The following EDIL3 variants were observed in gnomAD, a reference collection of about 807,000 sequenced individuals.
EDIL3 encodes the protein EGF-like repeat and discoidin I-like domain-containing protein 3.
EDIL3 carries 37 observed loss-of-function variants against 67.4 expected under a neutral mutation model. The observed-to-expected ratio is 0.55, with a 90% confidence interval of 0.42 to 0.72. EDIL3 has a LOEUF of 0.72. EDIL3 is among the 30% of genes least tolerant of loss of function. EDIL3 has a pLI of 0.00. For missense variants in EDIL3, 527 were observed against 586.3 expected, an observed-to-expected ratio of 0.90 and a Z score of 1.04; for synonymous variants, 195 against 196.3, an observed-to-expected ratio of 0.99 and a Z score of 0.05.
chr5:84,384,160 C>T (rs969215955), intron 1 of EDIL3, 148 bp downstream of exon 1: 2 of 934,000 alleles, frequency 2.1e-6, no homozygotes, highest in Non-Finnish European at 3.2e-6. Flanking sequence ...TTTCTCGGGG[C>T]ACCCAGGACT....
rs559997466 is a variant in EDIL3, at chr5:84,026,968, G to A, written c.1137+33332C>T. 6.6e-5 allele frequency among the ~76,000 whole-genome samples: 10 copies of A among 152,124 alleles called. No individual in the cohort carries two copies. The East Asian group carries it at 1.7e-3, about 27-fold the overall frequency. On this transcript the variant is annotated intron_variant, in intron 9 of 10. Transcript: ENST00000296591. ...AAATTAGCCAGGTATGGTGACATGC[G>A]CCTGTACTCTGAGCTGCTTGGGAGG...
intron 1 of EDIL3, among the ~76,000 whole-genome samples, chr5:84,366,259 G>GTCACCA (rs1747731800): frequency 6.6e-6 from 1 of 151,914 alleles, no homozygotes; most frequent in Non-Finnish European, 1.5e-5. Context: ...CACCACCACC[G>GTCACCA]TCACCATCAC....
At chr5:84,065,853 C>T (rs558667738) in intron 7 of EDIL3, among the ~76,000 whole-genome samples, 15 of 152,000 alleles carry the variant, frequency 9.9e-5, no homozygotes, top group African/African-American at 3.4e-4. Flanking sequence ...CGGTGGCTCA[C>T]GCCTGTAATC....
At chr5:84,260,164 T>C (rs994287550) in intron 1 of EDIL3, among the ~76,000 whole-genome samples, 2 of 152,140 alleles carry the variant, frequency 1.3e-5, no homozygotes, top group African/African-American at 4.8e-5. Flanking sequence ...TAGCACTCAC[T>C]GTAATAAAAG....
chr5:84,180,730 T>C (rs1054738463), intron 3 of EDIL3, among the ~76,000 whole-genome samples: 3 of 152,208 alleles, frequency 2.0e-5, no homozygotes, highest in African/African-American at 7.2e-5. Context: ...TTGAGAGATT[T>C]ACTTACCTTC....
intron 6 of EDIL3, among the ~76,000 whole-genome samples, chr5:84,095,936 G>T (rs1747254818): frequency 6.6e-6 from 1 of 152,230 alleles, no homozygotes; most frequent in Non-Finnish European, 1.5e-5. Flanking sequence ...CCGGTGCTGT[G>T]TGCAGCCTAG....
chr5:84,383,032 T>C (rs973627191), intron 1 of EDIL3, among the ~76,000 whole-genome samples: 22 of 152,190 alleles, frequency 1.4e-4, no homozygotes, highest in African/African-American at 5.3e-4. Flanking sequence ...GGTGCATGGA[T>C]GGATGGTGCA....
At chr5:84,273,770 G>A (rs554350601) in intron 1 of EDIL3, among the ~76,000 whole-genome samples, 1 of 152,156 alleles carries the variant, frequency 6.6e-6, no homozygotes, top group African/African-American at 2.4e-5. Context: ...ACCATGGTTT[G>A]TCTACTTCTC....
At chr5:84,206,569 C>A (rs1371961969) in intron 3 of EDIL3, among the ~76,000 whole-genome samples, 1 of 151,994 alleles carries the variant, frequency 6.6e-6, no homozygotes, top group Non-Finnish European at 1.5e-5. Context: ...ATCCTGATAC[C>A]AAAGCCAGGC....
Position 84,209,636 on chromosome 5 carries a change from A to T in EDIL3, c.226+20219T>A, listed in dbSNP as rs1165452575. Among the ~76,000 whole-genome samples, 7 of 29,658 alleles carry T rather than the reference A, an allele frequency of 2.4e-4. No homozygotes were observed. In the South Asian group the frequency reaches 3.2e-3, roughly 14 times the overall value. The allele number at this position is 29,658 out of a possible 152,430, so 19.5% of individuals were successfully genotyped here. ...AAATAAAGGATTAACTAAACTTATT[A>T]AAAAAAAAAGAAAAACTTGACTCTT... On this transcript the variant is annotated intron_variant, in intron 3 of 10. Transcript: ENST00000296591.
chr5:84,193,562 T>C (rs1053771733), intron 3 of EDIL3, among the ~76,000 whole-genome samples: 1 of 151,748 alleles, frequency 6.6e-6, no homozygotes, highest in Non-Finnish European at 1.5e-5. Context: ...TGGGTAAGGA[T>C]ATAGTTGCCT....
chr5:84,004,709 G>C (rs958046567), intron 9 of EDIL3, among the ~76,000 whole-genome samples: 4 of 152,008 alleles, frequency 2.6e-5, no homozygotes, highest in African/African-American at 9.7e-5. Context: ...AAAGTTTAGA[G>C]CAGTAATGCC....
chr5:84,040,592 G>C (rs1485297533), intron 9 of EDIL3, among the ~76,000 whole-genome samples: 1 of 150,870 alleles, frequency 6.6e-6, no homozygotes, highest in African/African-American at 2.4e-5. Context: ...ATAAATTTTA[G>C]ATTTGATTCT....
chr5:84,240,037 A>G (rs530541477), intron 2 of EDIL3, among the ~76,000 whole-genome samples: 25 of 152,324 alleles, frequency 1.6e-4, no homozygotes, highest in Admixed American at 9.8e-4. Context: ...GTTTCTTCCA[A>G]TAACTAATTT....
intron 1 of EDIL3, among the ~76,000 whole-genome samples, chr5:84,264,500 G>A (rs1268890370): frequency 2.0e-5 from 3 of 152,174 alleles, no homozygotes; most frequent in Admixed American, 2.0e-4. Flanking sequence ...AGGTAGTGCA[G>A]GCACGCAGCA....
In EDIL3 at chr5:84,315,761, A is replaced by G. The variant is rs188372200; in HGVS notation, c.68-61549T>C. ...TTCAAATTCAGGAAATACAGAGAAC[A>G]CCACAAAGACATTCCTCGAGAAGAG... On this transcript the variant is annotated intron_variant, in intron 1 of 10. Transcript: ENST00000296591. 1.1e-4 allele frequency among the ~76,000 whole-genome samples: 17 copies of G among 152,230 alleles called. No homozygotes were observed. The East Asian group carries it at 3.1e-3, about 28-fold the overall frequency.
In EDIL3 at chr5:84,021,568, TTGATA is replaced by T. The variant is rs1323982149; in HGVS notation, c.1137+38727_1137+38731del. Among the ~76,000 whole-genome samples the T allele has an allele frequency of 2.0e-5, 3 of 152,128 alleles. No homozygotes were observed. In the South Asian group the frequency reaches 6.2e-4, roughly 32 times the overall value. On this transcript the variant is annotated intron_variant, in intron 9 of 10. Coordinates refer to ENST00000296591, the MANE Select transcript of EDIL3 (RefSeq NM_005711.5). The stretch of plus-strand genomic sequence containing the variant: ...ATTCCACTGTAGTTTGAGAAGATAC[TTGATA>T]TAATTTCAACTTTTAAAAATTTGTT...
chr5:84,125,144 T>C (rs952559877), intron 5 of EDIL3, among the ~76,000 whole-genome samples: 4 of 152,056 alleles, frequency 2.6e-5, no homozygotes, highest in African/African-American at 9.7e-5. Flanking sequence ...GAGTAGTATG[T>C]AAACCTTCAT....
intron 9 of EDIL3, among the ~76,000 whole-genome samples, chr5:84,016,895 C>A (rs532486926): frequency 2.4e-4 from 37 of 152,134 alleles, no homozygotes; most frequent in Non-Finnish European, 4.3e-4. Flanking sequence ...AGATGGCAGG[C>A]CCTGTGGGAT....
Sources: allele counts gnomAD v4.1 joint callset (sites outside exome capture counted in the v4.1 genomes callset), GRCh38; gene constraint gnomAD v4.1.1; transcripts MANE v1.5; gene names NCBI Gene and HGNC (gene_info 2026-07-23, HGNC 2026-07-21).